Variants in ASTN2 observed in about 807,000 individuals in gnomAD.
ASTN2 encodes astrotactin 2, also known as astrotactin-2.
A neutral mutation model predicts 139.8 loss-of-function variants in ASTN2; 54 were observed. That is an observed-to-expected ratio of 0.39 (90% confidence interval 0.31 to 0.48). The LOEUF is 0.48. ASTN2 is among the 20% of genes least tolerant of loss of function. ASTN2 has a pLI of 0.95. For missense variants in ASTN2, 1,565 were observed against 1,725.1 expected (o/e 0.91, Z 1.64); for synonymous variants, 756 against 719.5 (o/e 1.05, Z -0.81).
chr9:117,172,426 A>C (rs1830816279), intron 3 of ASTN2, among the ~76,000 whole-genome samples: 1 of 152,186 alleles, frequency 6.6e-6, no homozygotes, highest in Admixed American at 6.5e-5. Flanking sequence ...GGCATACATA[A>C]AGAAAACCAA....
chr9:117,299,148 A>G (rs564278031), intron 1 of ASTN2, among the ~76,000 whole-genome samples: 1 of 152,352 alleles, frequency 6.6e-6, no homozygotes, highest in South Asian at 2.1e-4. Flanking sequence ...CAGCTGGAAA[A>G]AAAATACACT....
intron 19 of ASTN2, among the ~76,000 whole-genome samples, chr9:116,538,488 G>T (rs1231107826): frequency 6.6e-6 from 1 of 152,040 alleles, no homozygotes; most frequent in Non-Finnish European, 1.5e-5. Flanking sequence ...CATACCCAAG[G>T]GCAGAGAACC....
chr9:116,871,324 G>A (rs943538451), intron 10 of ASTN2, among the ~76,000 whole-genome samples: 10 of 152,088 alleles, frequency 6.6e-5, no homozygotes, highest in African/African-American at 2.2e-4. Context: ...AAGAAAGAAC[G>A]CTTTGTTGAG....
At chr9:116,700,516 C>G (rs912323041) in intron 16 of ASTN2, 2 of 167,092 alleles carry the variant, frequency 1.2e-5, no homozygotes, top group African/African-American at 2.4e-5. Context: ...GTCTCTAGGG[C>G]TCATCATTTT....
chr9:116,539,435 C>A (rs1851787136), intron 19 of ASTN2, among the ~76,000 whole-genome samples: 1 of 150,862 alleles, frequency 6.6e-6, no homozygotes, highest in South Asian at 2.1e-4. Flanking sequence ...GCAGAGAGGA[C>A]AATAGTATAT....
intron 13 of ASTN2, among the ~76,000 whole-genome samples, chr9:116,784,929 C>CAAAAA (rs58241855): frequency 9.6e-6 from 1 of 104,174 alleles, no homozygotes; most frequent in African/African-American, 3.8e-5. Context: ...AACTCCGCCT[C>CAAAAA]AAAAAAAAAA....
chr9:116,708,128 CAG>C (rs56665397), intron 16 of ASTN2, among the ~76,000 whole-genome samples: 16,971 of 152,042 alleles, frequency 0.11, 1,433 homozygotes, highest in East Asian at 0.4. Flanking sequence ...TAAATTAAAA[CAG>C]AGTCTTTGAG....
At chr9:116,960,473 ATTT>A (rs34290104) in intron 10 of ASTN2, among the ~76,000 whole-genome samples, 11 of 148,464 alleles carry the variant, frequency 7.4e-5, no homozygotes, top group South Asian at 4.3e-4. Flanking sequence ...TCTAGGCCTG[ATTT>A]TTTTTTTTTT....
At chr9:116,611,809 A>T (rs1187998672) in intron 19 of ASTN2, 1 of 152,186 alleles carries the variant, frequency 6.6e-6, no homozygotes, top group Non-Finnish European at 1.5e-5. Context: ...TCACTGGTGA[A>T]TTCTAAAAAA....
chr9:117,409,103 G>A (rs1243402457), intron 1 of ASTN2, among the ~76,000 whole-genome samples: 4 of 152,116 alleles, frequency 2.6e-5, no homozygotes, highest in Non-Finnish European at 2.9e-5. Context: ...ACCAAATGAA[G>A]AAATAACATA....
rs531056582 is a variant in ASTN2 at position 117,147,820 on chromosome 9, G to A, written c.1016-6342C>T. Among the ~76,000 whole-genome samples, 3 of 152,276 alleles carry A rather than the reference G, an allele frequency of 2.0e-5. No homozygotes were observed. The South Asian group carries it at 6.2e-4, about 32-fold the overall frequency. ...AACTGGGATTTGGACTCAGGTTATG[G>A]TGACTCCAATGCTCTGGCCTTATCT... On this transcript the variant is annotated intron_variant, in intron 3 of 22. Transcript: ENST00000313400.
chr9:117,096,026 T>C lies in ASTN2; in HGVS notation c.1276+18A>G, dbSNP rs117165959. The C allele has an allele frequency of 1.9e-6, 3 of 1,610,710 alleles. No homozygotes were observed. The highest frequency in any genetic ancestry group is 2.5e-6 in the Non-Finnish European group (3 of 1,177,136). ...TTCTACAAACTCTGGTTCTGGAACCTTCCAAGGACACTATTACCTTTGCTG... is the reference window on the plus strand; with the variant it reads ...TTCTACAAACTCTGGTTCTGGAACCCTCCAAGGACACTATTACCTTTGCTG... On this transcript the variant is annotated intron_variant, in intron 5 of 22. Transcript: ENST00000313400.
chr9:116,895,565 A>G lies in ASTN2; in HGVS notation c.1890-31832T>C, dbSNP rs766495864. Among the ~76,000 whole-genome samples the G allele has an allele frequency of 9.3e-4, 142 of 152,328 alleles. 1 individual carries two copies. The highest frequency in any genetic ancestry group is 1.5e-3 in the South Asian group (7 of 4,822). On this transcript the variant is annotated intron_variant, in intron 10 of 22. Coordinates refer to ENST00000313400, the MANE Select transcript of ASTN2 (RefSeq NM_001365068.1). ...ACTGGATCCTGGAAGGCTTTCTGAA[A>G]GGAGTTTGGTAGTAGTATCCTATCA...
intron 1 of ASTN2, among the ~76,000 whole-genome samples, chr9:117,363,504 C>T (rs984504869): frequency 1.3e-5 from 2 of 152,062 alleles, no homozygotes; most frequent in Non-Finnish European, 2.9e-5. Context: ...TCTAACCTCC[C>T]GCCTCCCTTT....
At chr9:117,229,427 C>A (rs1832820873) in intron 2 of ASTN2, among the ~76,000 whole-genome samples, 1 of 152,152 alleles carries the variant, frequency 6.6e-6, no homozygotes, top group Admixed American at 6.5e-5. Flanking sequence ...GCTGGGCTAC[C>A]CAAGACTGGG....
chr9:117,399,115 AAAC>A (rs1830755024), intron 1 of ASTN2, among the ~76,000 whole-genome samples: 1 of 152,216 alleles, frequency 6.6e-6, no homozygotes, highest in African/African-American at 2.4e-5. Flanking sequence ...GAAATACAAT[AAAC>A]ACACGTGTAC....
chr9:117,150,290 A>G (rs1037537146), intron 3 of ASTN2, among the ~76,000 whole-genome samples: 1 of 152,170 alleles, frequency 6.6e-6, no homozygotes, highest in African/African-American at 2.4e-5. Flanking sequence ...ATACAATTGC[A>G]TTCTTCAGTA....
chr9:116,555,575 C>G (rs142006785), intron 19 of ASTN2, among the ~76,000 whole-genome samples: 57 of 152,272 alleles, frequency 3.7e-4, no homozygotes, highest in African/African-American at 1.3e-3. Context: ...CACAGAAGAC[C>G]TCTGGCTGAA....
intron 17 of ASTN2, among the ~76,000 whole-genome samples, chr9:116,639,039 G>A (rs1355851099): frequency 2.0e-5 from 3 of 152,080 alleles, no homozygotes; most frequent in Non-Finnish European, 4.4e-5. Context: ...GGTAACACAG[G>A]ATTAATCACT....
Sources: allele counts gnomAD v4.1 joint callset (sites outside exome capture counted in the v4.1 genomes callset), GRCh38; gene constraint gnomAD v4.1.1; transcripts MANE v1.5; gene names NCBI Gene and HGNC (gene_info 2026-07-23, HGNC 2026-07-21).